Variants in RBFOX1 observed in about 807,000 individuals in gnomAD.
RBFOX1 encodes RNA binding fox-1 homolog 1.
RBFOX1 carries 8 observed loss-of-function variants against 57.7 expected under a neutral mutation model. That is an observed-to-expected ratio of 0.14 (90% confidence interval 0.08 to 0.25). RBFOX1 has a LOEUF of 0.25. RBFOX1 is among the 10% of genes least tolerant of loss of function. RBFOX1 has a pLI of 1.00. For synonymous variants in RBFOX1, 326 were observed against 222.4 expected, an observed-to-expected ratio of 1.47 and a Z score of -4.15; for missense variants, 611 against 548.5, an observed-to-expected ratio of 1.11 and a Z score of -1.14.
At chr16:5,885,603 C>G (rs1380746039) in intron 4 of RBFOX1, among the ~76,000 whole-genome samples, 1 of 152,068 alleles carries the variant, frequency 6.6e-6, no homozygotes, top group Non-Finnish European at 1.5e-5. Context: ...CTCTGAAGAC[C>G]CCTGGCTTGA....
chr16:7,218,001 C>G (rs199501689), intron 4 of RBFOX1, among the ~76,000 whole-genome samples: 3 of 150,564 alleles, frequency 2.0e-5, no homozygotes, highest in African/African-American at 7.3e-5. Context: ...TGTGCACGTG[C>G]ATGTGTGTTT....
chr16:5,963,439 G>A (rs1230391371), intron 4 of RBFOX1, among the ~76,000 whole-genome samples: 2 of 152,218 alleles, frequency 1.3e-5, no homozygotes, highest in Non-Finnish European at 1.5e-5. Context: ...AACAACAGAT[G>A]TTGAATCTTG....
In RBFOX1 at chr16:6,330,893, G is replaced by C. The variant is rs573213984; in HGVS notation, c.-64+13836G>C. Among the ~76,000 whole-genome samples, 6 of 152,222 alleles carry C rather than the reference G, an allele frequency of 3.9e-5. No homozygotes were observed. In the South Asian group the frequency reaches 1.2e-3, roughly 32 times the overall value. On this transcript the variant is annotated intron_variant, in intron 2 of 15. Coordinates refer to ENST00000550418, the MANE Select transcript of RBFOX1 (RefSeq NM_018723.4). ...TTCTCTGGGAGAGGAGCAAGACTTC[G>C]GTGGTTTTGGGGAATTAAAGGATGG... is the stretch of plus-strand genomic sequence containing the variant.
chr16:6,712,855 C>T (rs2063967159), intron 3 of RBFOX1, among the ~76,000 whole-genome samples: 2 of 150,120 alleles, frequency 1.3e-5, no homozygotes, highest in Admixed American at 6.6e-5. Flanking sequence ...GGGAGGGACC[C>T]AGTGGGAGGT....
At chr16:6,512,008 T>C (rs561553739) in intron 2 of RBFOX1, among the ~76,000 whole-genome samples, 1 of 151,960 alleles carries the variant, frequency 6.6e-6, no homozygotes, top group African/African-American at 2.4e-5. Flanking sequence ...TGGTGGCTTA[T>C]ACCTGTAATC....
intron 2 of RBFOX1, among the ~76,000 whole-genome samples, chr16:6,351,368 A>T (rs868148753): frequency 0.035 from 3,647 of 103,750 alleles, 137 homozygotes; most frequent in African/African-American, 0.11. Context: ...ATATATATAT[A>T]TATATTTTTT....
rs558755149 is a variant in RBFOX1 at position 5,396,556 on chromosome 16, C to G, written c.220-70660C>G. Among the ~76,000 whole-genome samples the G allele has an allele frequency of 5.3e-5, 8 of 152,270 alleles. No homozygotes were observed. In the South Asian group the frequency reaches 1.7e-3, roughly 32 times the overall value. On this transcript the variant is annotated intron_variant, in intron 1 of 2. Coordinates refer to the RBFOX1 transcript ENST00000585867. ...ACTCAGGAGGCTGAGGCACAAGAAT[C>G]ACTTGAACTCAGGCGGCAGAGGTTG...
chr16:6,791,428 CT>C (rs2082919269), intron 3 of RBFOX1, among the ~76,000 whole-genome samples: 1 of 152,112 alleles, frequency 6.6e-6, no homozygotes, highest in African/African-American at 2.4e-5. Context: ...TTCAGGGCCC[CT>C]TCCTAAAAAA....
intron 4 of RBFOX1, among the ~76,000 whole-genome samples, chr16:7,072,404 G>A (rs1430253959): frequency 6.6e-6 from 1 of 151,984 alleles, no homozygotes; most frequent in East Asian, 1.9e-4. Context: ...TCGTTCTCCT[G>A]TCTTCTTACT....
rs143579328 is a variant in RBFOX1 at position 6,496,388 on chromosome 16, G to T, written c.-63-158215G>T. ...GGATTGGGAACCTGCTTTGCGGCAG[G>T]CGTTTGTGTTGCTGGAATAGCTAGA... On this transcript the variant is annotated intron_variant, in intron 2 of 15. Transcript: ENST00000550418. Among the ~76,000 whole-genome samples the T allele has an allele frequency of 8.4e-3, 1,277 of 152,272 alleles. 19 individuals are homozygous for T. Among genetic ancestry groups the T allele is most frequent in the African/African-American group, 0.029 (1,206 of 41,532 alleles).
chr16:5,239,980 G>A (rs1413752645), exon 1 of RBFOX1: 1 of 1,530,096 alleles, frequency 6.5e-7, no homozygotes, highest in Non-Finnish European at 8.7e-7. Context: ...CCCTCCCGAA[G>A]AGAAGAGGCT....
intron 5 of RBFOX1, among the ~76,000 whole-genome samples, chr16:7,549,368 C>T (rs2085620943): frequency 6.6e-6 from 1 of 152,132 alleles, no homozygotes; most frequent in Admixed American, 6.5e-5. Flanking sequence ...AGGTGTAATT[C>T]TAGGTGCAAG....
intron 3 of RBFOX1, among the ~76,000 whole-genome samples, chr16:7,049,494 C>G (rs1189806209): frequency 6.6e-6 from 1 of 152,110 alleles, no homozygotes. Flanking sequence ...GGGATTTTCC[C>G]TATTCTCTTA....
At chr16:6,852,232 G>C (rs1044724718) in intron 3 of RBFOX1, among the ~76,000 whole-genome samples, 12 of 152,148 alleles carry the variant, frequency 7.9e-5, no homozygotes, top group African/African-American at 2.4e-4. Context: ...CTAGCTTGTA[G>C]TGGCTACATG....
At chr16:7,152,411 G>C (rs895733640) in intron 4 of RBFOX1, among the ~76,000 whole-genome samples, 1 of 152,140 alleles carries the variant, frequency 6.6e-6, no homozygotes, top group African/African-American at 2.4e-5. Context: ...TGGCTGACCC[G>C]ATAGCCAAAG....
At chr16:6,747,665 C>G (rs2074033179) in intron 3 of RBFOX1, among the ~76,000 whole-genome samples, 1 of 152,112 alleles carries the variant, frequency 6.6e-6, no homozygotes, top group Non-Finnish European at 1.5e-5. Flanking sequence ...CCACACCACC[C>G]CTACTATGTC....
At chr16:7,005,482 G>A (rs551177062) in intron 3 of RBFOX1, among the ~76,000 whole-genome samples, 90 of 152,296 alleles carry the variant, frequency 5.9e-4, no homozygotes, top group Non-Finnish European at 9.4e-4. Context: ...ATGGGGAGAA[G>A]GAACCCAGTA....
chr16:6,846,280 A>G (rs1020644278), intron 3 of RBFOX1, among the ~76,000 whole-genome samples: 2 of 152,122 alleles, frequency 1.3e-5, no homozygotes, highest in Admixed American at 1.3e-4. Context: ...GAAGATCCCC[A>G]ATTCCGTGTC....
intron 1 of RBFOX1, among the ~76,000 whole-genome samples, chr16:6,187,635 A>G (rs1350840354): frequency 6.6e-6 from 1 of 152,216 alleles, no homozygotes; most frequent in African/African-American, 2.4e-5. Flanking sequence ...GCTGGAGATC[A>G]GGATACAGGT....
Sources: allele counts gnomAD v4.1 joint callset (sites outside exome capture counted in the v4.1 genomes callset), GRCh38; gene constraint gnomAD v4.1.1; transcripts MANE v1.5; gene names NCBI Gene and HGNC (gene_info 2026-07-23, HGNC 2026-07-21).